The following BCORL1 variants were observed in gnomAD, a reference collection of about 807,000 sequenced individuals.
The protein encoded by BCORL1 is BCL-6 corepressor-like protein 1.
Under a neutral mutation model 87.6 loss-of-function variants are expected in BCORL1, and 7 were observed. The ratio of observed to expected loss-of-function variants is 0.08; its 90% CI spans 0.05 to 0.15. BCORL1 has a LOEUF of 0.15. BCORL1 is among the 10% of genes least tolerant of loss of function. The probability of loss-of-function intolerance (pLI) is 1.00; values close to 1 mark genes in which losing one functional copy is unlikely to be tolerated. For missense variants in BCORL1, 1,215 were observed against 1,499.7 expected, an observed-to-expected ratio of 0.81 and a Z score of 3.13; for synonymous variants, 591 against 634.4, an observed-to-expected ratio of 0.93 and a Z score of 1.03.
chrX:129,993,235 T>C (rs1927319077), intron 1 of BCORL1, among the ~76,000 whole-genome samples: 1 of 112,396 alleles, frequency 8.9e-6, no homozygotes, highest in African/African-American at 3.2e-5. Flanking sequence ...ATCTTGTAGC[T>C]AGAGCCGAGG....
In BCORL1 at chrX:130,037,555, C is replaced by A. The variant is rs777756973; in HGVS notation, c.4694+22C>A. 5.9e-6 allele frequency: 7 copies of A among 1,181,632 alleles called. No individual in the cohort carries two copies. The Middle Eastern group carries it at 1.7e-3, about 286-fold the overall frequency. On this transcript the variant is annotated intron_variant, in intron 10 of 13. Transcript: ENST00000540052. ...CGAGGCAAGAGGGCTGCATCTCCCC[C>A]CAGTCCCGCCCTCACTCCCAGCTCA...
At chrX:130,019,133 C>G (rs747016586) in intron 4 of BCORL1, among the ~76,000 whole-genome samples, 1 of 112,285 alleles carries the variant, frequency 8.9e-6, no homozygotes, top group Non-Finnish European at 1.9e-5. Flanking sequence ...TCATCTCTCA[C>G]GGTCTCCCCA....
chrX:129,980,882 C>T (rs959501056), upstream of BCORL1, among the ~76,000 whole-genome samples: 1 of 108,270 alleles, frequency 9.2e-6, no homozygotes, highest in African/African-American at 3.4e-5. Context: ...AGGGGCTGGG[C>T]CGGACCCGCA....
chrX:130,044,752 G>A (rs1403472054), intron 11 of BCORL1, among the ~76,000 whole-genome samples: 2 of 110,845 alleles, frequency 1.8e-5, no homozygotes, highest in Non-Finnish European at 3.8e-5. Context: ...CAGGTGATCC[G>A]CCTGCCTCGG....
chrX:129,991,759 G>C (rs1927192688), intron 1 of BCORL1, among the ~76,000 whole-genome samples: 1 of 94,289 alleles, frequency 1.1e-5, no homozygotes, highest in Admixed American at 1.2e-4. Context: ...CCGGGTTCAA[G>C]CAATTCTCCT....
At chrX:130,004,558 C>T (rs1371163707) in intron 1 of BCORL1, among the ~76,000 whole-genome samples, 1 of 112,031 alleles carries the variant, frequency 8.9e-6, no homozygotes, top group African/African-American at 3.2e-5. Context: ...ACACGTAGTT[C>T]TGGATGGAAC....
chrX:130,010,051 G>A (rs1928827629), intron 2 of BCORL1, among the ~76,000 whole-genome samples: 1 of 112,144 alleles, frequency 8.9e-6, no homozygotes, highest in African/African-American at 3.2e-5. Flanking sequence ...GTGTGGGTAT[G>A]GCTGGAGTGG....
chrX:130,004,831 T>C (rs987052227), intron 1 of BCORL1, among the ~76,000 whole-genome samples: 2 of 112,422 alleles, frequency 1.8e-5, no homozygotes, highest in Non-Finnish European at 3.8e-5. Context: ...ACCATTCATA[T>C]ATGGGTATGA....
intron 11 of BCORL1, among the ~76,000 whole-genome samples, chrX:130,041,835 G>A (rs1206229087): frequency 1.8e-5 from 2 of 111,219 alleles, no homozygotes; most frequent in Non-Finnish European, 3.8e-5. Context: ...CACCATGTTA[G>A]CCAGGATGGT....
intron 1 of BCORL1, among the ~76,000 whole-genome samples, chrX:129,998,793 C>T (rs1236781217): frequency 2.7e-5 from 3 of 111,336 alleles, no homozygotes; most frequent in East Asian, 5.6e-4. Flanking sequence ...TGTCAGTGTT[C>T]TCCTGCCTGT....
rs746791120 is a variant in BCORL1 at position 130,050,765 on chromosome X, C to T, written c.4889C>T (p.Ser1630Phe). 2.5e-6 allele frequency: 3 copies of T among 1,208,947 alleles called. No individual in the cohort carries two copies. The highest frequency in any genetic ancestry group is 1.7e-5 in the African/African-American group (1 of 57,168). ...QGRAEGDPGV[S>F]WDFYSSSVLE... The stretch of plus-strand genomic sequence containing the variant: ...CGGGCAGAGGGTGATCCCGGTGTAT[C>T]CTGGGATTTTTACAGCAGTTCTGTG... Residue 1630 changes from serine to phenylalanine, a missense_variant, in exon 12 of 14, where the codon TCC (serine) becomes TTC (phenylalanine). By Grantham distance (155) the Ser-to-Phe change is radical. Around this residue, in one of 5 missense-constraint regions of BCORL1, gnomAD observed 129 missense variants for 157.5 expected, o/e 0.82. Transcript: ENST00000540052.
At position 130,050,802 on chromosome X, in the gene BCORL1, T is replaced by G; in HGVS notation, c.4918+8T>G. 1 of 1,187,732 alleles carries G rather than the reference T, an allele frequency of 8.4e-7. No homozygotes were observed. The highest frequency in any genetic ancestry group is 1.1e-6 in the Non-Finnish European group (1 of 874,713). On this transcript the variant is annotated splice_region_variant and intron_variant, in intron 12 of 13. Transcript: ENST00000540052. ...ACAGCAGTTCTGTGTTGGGTAAGTTTTAAGTGAGATTCTTCCCACCCTTCT... is the reference window on the plus strand; with the variant it reads ...ACAGCAGTTCTGTGTTGGGTAAGTTGTAAGTGAGATTCTTCCCACCCTTCT...
At chrX:130,050,919 A>G in intron 12 of BCORL1, 125 bp downstream of exon 12, 1 of 554,060 alleles carries the variant, frequency 1.8e-6, no homozygotes, top group South Asian at 2.9e-5. Flanking sequence ...ACCTGAACCC[A>G]TCCTTCCCTG....
chrX:130,012,440 C>T, intron 2 of BCORL1, 138 bp from the exon 3 acceptor site: 1 of 509,875 alleles, frequency 2.0e-6, no homozygotes, highest in Non-Finnish European at 3.4e-6. Flanking sequence ...CCTTGTAATC[C>T]CCCTCACAAG....
rs753319858 is a variant in BCORL1 at position 130,055,808 on chromosome X, C to T, written c.5076-46C>T. 114 of 1,156,865 alleles carry T rather than the reference C, an allele frequency of 9.9e-5. 1 individual carries two copies. Among genetic ancestry groups the T allele is most frequent in the South Asian group, 7.7e-4 (38 of 49,521 alleles). Reference sequence around the variant, plus strand: ...GAGTGTTCTGGGTCGGTGCCCCCACCGCTTCCTCCAGCCTCCTTCAATAAC... The same window carrying T: ...GAGTGTTCTGGGTCGGTGCCCCCACTGCTTCCTCCAGCCTCCTTCAATAAC... On this transcript the variant is annotated intron_variant, in intron 13 of 13. Transcript: ENST00000540052.
Position 130,051,935 on chromosome X carries a change from TGGA to T in BCORL1, c.5001_5003del (p.Glu1667del). On this transcript the variant is annotated inframe_deletion, in exon 13 of 14. Coordinates refer to ENST00000540052, the MANE Select transcript of BCORL1 (RefSeq NM_001379451.1). The stretch of plus-strand genomic sequence containing the variant: ...TCAGATCAAGAAGGAGACGATCCGA[TGGA>T]GGAGGATGATTTCATGTTTGAACTC... 8.3e-7 allele frequency: 1 copy of T among 1,208,474 alleles called. No homozygotes were observed. The highest frequency in any genetic ancestry group is 1.1e-6 in the Non-Finnish European group (1 of 893,093).
Position 130,055,881 on chromosome X carries a change from T to C in BCORL1, c.5103T>C (p.Asp1701=). 1 of 1,208,708 alleles carries C rather than the reference T, an allele frequency of 8.3e-7. No individual in the cohort carries two copies. Among genetic ancestry groups the C allele is most frequent in the Non-Finnish European group, 1.1e-6 (1 of 893,940 alleles). ...CCTGCAACTGGTTCCTCTTTTCCGA[T>C]GTCTTGAAGAGGCTGAAGCTTTCCT... ...RGPCNWFLFS[D]VLKRLKLSSR... is the part of the protein sequence containing the mutation. The change falls in exon 14 of 14, where the codon GAT becomes GAC. Residue 1701 remains aspartate (D), a synonymous_variant. Transcript: ENST00000540052.
At chrX:130,021,897 C>T (rs1474942286) in intron 5 of BCORL1, among the ~76,000 whole-genome samples, 2 of 111,667 alleles carry the variant, frequency 1.8e-5, no homozygotes, top group African/African-American at 3.3e-5. Flanking sequence ...AAGTGATCCT[C>T]CTACCTCAGC....
intron 1 of BCORL1, among the ~76,000 whole-genome samples, chrX:130,000,572 A>G (rs1292675900): frequency 1.8e-5 from 2 of 112,645 alleles, no homozygotes; most frequent in Non-Finnish European, 3.7e-5. Context: ...TTACTCATTA[A>G]TCAACAAGAG....
Sources: gnomAD v4.1 joint callset for allele counts (sites outside exome capture counted in the v4.1 genomes callset) on GRCh38, gnomAD v4.1.1 for gene constraint, gnomAD v4.1.1 regional missense constraint, MANE v1.5 for transcripts, NCBI Gene and HGNC (gene_info 2026-07-23, HGNC 2026-07-21) for gene names.